The following RETREG1 variants were observed in gnomAD, a reference collection of about 807,000 sequenced individuals.
The protein encoded by RETREG1 is reticulophagy regulator 1.
In RETREG1, 44 loss-of-function variants were observed where a neutral mutation model predicts 54.8. That is an observed-to-expected ratio of 0.80 (90% CI 0.63 to 1.03). RETREG1 has a LOEUF of 1.03. RETREG1 is among the 50% of genes least tolerant of loss of function. RETREG1 has a pLI of 0.00. For synonymous variants in RETREG1, 217 were observed against 238.5 expected (o/e 0.91, Z 0.83); for missense variants, 554 against 605.1 (o/e 0.92, Z 0.89).
At position 16,572,058 on chromosome 5, in the gene RETREG1, A is replaced by C; in HGVS notation, c.365T>G (p.Val122Gly). ...TPWRVYHLIS[V>G]MILGRVIMQI... ...CATAATAACACGCCCAAGTATCATGACGGAAATCAGGTGATATACTCTCCA... is the reference window on the plus strand; with the variant it reads ...CATAATAACACGCCCAAGTATCATGCCGGAAATCAGGTGATATACTCTCCA... Residue 122 changes from valine to glycine, a missense_variant, in exon 2 of 9, where the codon GTC becomes GGC. Physicochemically the swap from Val to Gly is moderately radical, Grantham distance 109 (BLOSUM62 -3). Around this residue, in one of 4 missense-constraint regions of RETREG1, gnomAD observed 347 missense variants for 412.3 expected, o/e 0.84. Transcript: ENST00000306320. 1 of 1,613,998 alleles carries C rather than the reference A, an allele frequency of 6.2e-7. No homozygotes were observed. Among genetic ancestry groups the C allele is most frequent in the Non-Finnish European group, 8.5e-7 (1 of 1,179,862 alleles).
At chr5:16,577,394 T>C (rs1054536132) in intron 1 of RETREG1, among the ~76,000 whole-genome samples, 1 of 151,996 alleles carries the variant, frequency 6.6e-6, no homozygotes, top group East Asian at 1.9e-4. Flanking sequence ...ACTTGCACTA[T>C]TGGCAGCCAC....
intron 3 of RETREG1, among the ~76,000 whole-genome samples, chr5:16,513,755 T>C (rs947800024): frequency 2.0e-5 from 3 of 152,256 alleles, no homozygotes; most frequent in Non-Finnish European, 4.4e-5. Context: ...TTTGCAAGAA[T>C]GAGTCCTGTT....
At chr5:16,548,256 T>G (rs966060326) in intron 3 of RETREG1, among the ~76,000 whole-genome samples, 7 of 152,214 alleles carry the variant, frequency 4.6e-5, no homozygotes, top group Admixed American at 4.6e-4. Context: ...GGCTTTGGAC[T>G]TGGCCATGTG....
At chr5:16,509,047 T>TC (rs1740083744) in intron 3 of RETREG1, 2 of 992,842 alleles carry the variant, frequency 2.0e-6, no homozygotes, top group African/African-American at 1.8e-5. Flanking sequence ...GCTTTTTTTT[T>TC]TTTTTTTCTG....
At chr5:16,560,188 C>T (rs1741817768) in intron 3 of RETREG1, among the ~76,000 whole-genome samples, 1 of 152,184 alleles carries the variant, frequency 6.6e-6, no homozygotes, top group African/African-American at 2.4e-5. Context: ...ACTCTTTAAA[C>T]ATCCAGAAAA....
intron 1 of RETREG1, among the ~76,000 whole-genome samples, chr5:16,572,958 G>T (rs1185068220): frequency 6.6e-6 from 1 of 152,050 alleles, no homozygotes; most frequent in African/African-American, 2.4e-5. Context: ...GCCGAGGCAG[G>T]CGGATCACAA....
intron 4 of RETREG1, 142 bp downstream of exon 4, chr5:16,483,204 C>T: frequency 2.1e-6 from 2 of 942,224 alleles, no homozygotes; most frequent in South Asian, 1.4e-5. Flanking sequence ...CTGAACCTTG[C>T]TGATACCAGC....
At chr5:16,547,698 G>T (rs1338858541) in intron 3 of RETREG1, among the ~76,000 whole-genome samples, 1 of 152,202 alleles carries the variant, frequency 6.6e-6, no homozygotes, top group East Asian at 1.9e-4. Context: ...GTTCAGTCAT[G>T]TAACGGCAGG....
intron 3 of RETREG1, among the ~76,000 whole-genome samples, chr5:16,503,924 G>T (rs1338515737): frequency 6.6e-6 from 1 of 151,920 alleles, no homozygotes; most frequent in Non-Finnish European, 1.5e-5. Context: ...AAGTCCCAGG[G>T]TACATGTGCA....
intron 1 of RETREG1, among the ~76,000 whole-genome samples, chr5:16,614,806 T>C (rs1194391129): frequency 1.3e-5 from 2 of 152,166 alleles, no homozygotes; most frequent in Non-Finnish European, 2.9e-5. Flanking sequence ...ATCCTTACAA[T>C]AGAATTCTGA....
chr5:16,596,398 A>C (rs1742894319), intron 1 of RETREG1, among the ~76,000 whole-genome samples: 1 of 152,218 alleles, frequency 6.6e-6, no homozygotes, highest in Non-Finnish European at 1.5e-5. Context: ...GACTGGCAAA[A>C]CACATGCAAA....
At position 16,522,719 on chromosome 5, in the gene RETREG1, T is replaced by C. The variant is rs1306520198; in HGVS notation, c.459-39247A>G. 2.6e-5 allele frequency among the ~76,000 whole-genome samples: 4 copies of C among 152,278 alleles called. No homozygotes were observed. The South Asian group carries it at 6.2e-4, about 24-fold the overall frequency. On this transcript the variant is annotated intron_variant, in intron 3 of 8. Transcript: ENST00000306320. ...TTTAATAACTTTTTTTGAAATAATA[T>C]TGGGGCCGGGTGCAGTGGCTCATGT...
intron 2 of RETREG1, among the ~76,000 whole-genome samples, chr5:16,566,324 T>A (rs1387466388): frequency 6.6e-6 from 1 of 152,186 alleles, no homozygotes; most frequent in Non-Finnish European, 1.5e-5. Context: ...GTTTAGATGT[T>A]TTGACTTTTA....
chr5:16,575,912 T>A (rs1438684514), intron 1 of RETREG1, among the ~76,000 whole-genome samples: 1 of 152,248 alleles, frequency 6.6e-6, no homozygotes, highest in Non-Finnish European at 1.5e-5. Context: ...AGATGATTTG[T>A]CTCAGGGCTC....
At chr5:16,520,509 T>C (rs1740501293) in intron 3 of RETREG1, among the ~76,000 whole-genome samples, 2 of 151,986 alleles carry the variant, frequency 1.3e-5, no homozygotes. Context: ...TTTGTATTTT[T>C]AGTAGAGACA....
intron 3 of RETREG1, among the ~76,000 whole-genome samples, chr5:16,490,876 A>C (rs1310311754): frequency 6.6e-6 from 1 of 152,234 alleles, no homozygotes; most frequent in Non-Finnish European, 1.5e-5. Context: ...GCCAAGCTAC[A>C]CAAATAGAAA....
intron 3 of RETREG1, among the ~76,000 whole-genome samples, chr5:16,523,083 T>C (rs567409461): frequency 6.6e-6 from 1 of 151,642 alleles, no homozygotes; most frequent in African/African-American, 2.4e-5. Context: ...GAAACAACAG[T>C]GGATTTACAG....
At chr5:16,552,279 T>C (rs561968441) in intron 3 of RETREG1, among the ~76,000 whole-genome samples, 96 of 152,314 alleles carry the variant, frequency 6.3e-4, no homozygotes, top group African/African-American at 2.2e-3. Flanking sequence ...AACTCACTAA[T>C]ACCCCCTCTT....
intron 3 of RETREG1, among the ~76,000 whole-genome samples, chr5:16,513,580 T>C (rs1394281864): frequency 6.6e-6 from 1 of 152,240 alleles, no homozygotes; most frequent in African/African-American, 2.4e-5. Flanking sequence ...CTTTTTGGTT[T>C]GGACTGTTTC....
Sources: allele counts gnomAD v4.1 joint callset (sites outside exome capture counted in the v4.1 genomes callset), GRCh38; gene constraint gnomAD v4.1.1; regional missense constraint gnomAD v4.1.1; transcripts MANE v1.5; gene names NCBI Gene and HGNC (gene_info 2026-07-23, HGNC 2026-07-21).